PLXNA4: variants seen among roughly 807,000 people sequenced by gnomAD.
PLXNA4 encodes plexin-A4.
In PLXNA4, 44 loss-of-function variants were observed where a neutral mutation model predicts 191.8. The observed-to-expected ratio is 0.23, with a 90% CI of 0.18 to 0.29. PLXNA4 has a LOEUF of 0.29. PLXNA4 is among the 10% of genes least tolerant of loss of function. PLXNA4 has a pLI of 1.00. For missense variants in PLXNA4, 1,800 were observed against 2,488.8 expected, an observed-to-expected ratio of 0.72 and a Z score of 5.89; for synonymous variants, 1,082 against 1,009.5, an observed-to-expected ratio of 1.07 and a Z score of -1.36.
At chr7:132,544,878 C>T (rs1044925926) in intron 1 of PLXNA4, among the ~76,000 whole-genome samples, 14 of 152,140 alleles carry the variant, frequency 9.2e-5, no homozygotes, top group South Asian at 2.1e-4. Context: ...TAAAATGTAA[C>T]TTGGGAAAGG....
chr7:132,364,080 A>C (rs1804057342), intron 3 of PLXNA4, among the ~76,000 whole-genome samples: 1 of 152,210 alleles, frequency 6.6e-6, no homozygotes, highest in African/African-American at 2.4e-5. Flanking sequence ...ATTCTCACTC[A>C]TCAGCAGCAA....
chr7:132,428,882 C>A (rs924193335), intron 3 of PLXNA4, among the ~76,000 whole-genome samples: 1 of 152,162 alleles, frequency 6.6e-6, no homozygotes, highest in Non-Finnish European at 1.5e-5. Flanking sequence ...AAGAAAAAGG[C>A]TGAACTGAGT....
At chr7:132,373,809 T>C (rs188040029) in intron 3 of PLXNA4, among the ~76,000 whole-genome samples, 2 of 152,322 alleles carry the variant, frequency 1.3e-5, no homozygotes, top group Admixed American at 6.5e-5. Flanking sequence ...GAAACTTTCA[T>C]GGGAGATAAG....
At chr7:132,374,177 A>G (rs1349940386) in intron 3 of PLXNA4, among the ~76,000 whole-genome samples, 1 of 152,332 alleles carries the variant, frequency 6.6e-6, no homozygotes, top group East Asian at 1.9e-4. Flanking sequence ...GGACCAAAGG[A>G]GTAAGTGATG....
In PLXNA4 at chr7:132,123,656, A is replaced by AGAT. The variant is rs951404007; in HGVS notation, c.*6820_*6822dup. On this transcript the variant is annotated 3_prime_UTR_variant, in exon 32 of 32. Transcript: ENST00000321063. Reference sequence around the variant, plus strand: ...GGCTCATTTTAACACTGTTGTCTAAAGATATGCTTTGCTTTGTTCTAACAA... The same window carrying AGAT: ...GGCTCATTTTAACACTGTTGTCTAAAGATGATATGCTTTGCTTTGTTCTAACAA... 2 of 152,150 alleles carry AGAT rather than the reference A, an allele frequency of 1.3e-5. No homozygotes were observed. The highest frequency in any genetic ancestry group is 2.1e-4 in the South Asian group (1 of 4,824). 9.4% of individuals were successfully genotyped at this position (152,150 alleles called of 1,614,324 possible). A position where few individuals can be genotyped will look rare whatever the true frequency, so the allele number is the denominator to read the frequency against.
intron 2 of PLXNA4, among the ~76,000 whole-genome samples, chr7:132,597,589 A>G (rs1726284072): frequency 6.6e-6 from 1 of 151,890 alleles, no homozygotes; most frequent in African/African-American, 2.4e-5. Flanking sequence ...TCATTCATTC[A>G]TTCATTCATT....
At chr7:132,429,936 G>A (rs1469057046) in intron 3 of PLXNA4, among the ~76,000 whole-genome samples, 1 of 152,164 alleles carries the variant, frequency 6.6e-6, no homozygotes, top group Non-Finnish European at 1.5e-5. Flanking sequence ...CAGTCCCCAG[G>A]AGCAGAGTGG....
At chr7:132,316,845 A>T (rs1801963348) in intron 3 of PLXNA4, among the ~76,000 whole-genome samples, 1 of 152,200 alleles carries the variant, frequency 6.6e-6, no homozygotes, top group African/African-American at 2.4e-5. Flanking sequence ...CAGTTTCATC[A>T]ATGCAGAGTG....
intron 3 of PLXNA4, among the ~76,000 whole-genome samples, chr7:132,371,118 G>A (rs929061178): frequency 2.6e-5 from 4 of 152,154 alleles, no homozygotes; most frequent in African/African-American, 9.7e-5. Context: ...CACATGCCCC[G>A]TGGTTGGGCT....
chr7:132,314,964 A>C (rs1801888948), intron 3 of PLXNA4, among the ~76,000 whole-genome samples: 1 of 152,172 alleles, frequency 6.6e-6, no homozygotes. Context: ...AGCATTTTGG[A>C]GGGTTTTTAT....
chr7:132,258,856 C>A (rs1274993127), intron 4 of PLXNA4, among the ~76,000 whole-genome samples: 2 of 152,152 alleles, frequency 1.3e-5, no homozygotes. Context: ...TATAACCACT[C>A]AATGCAGATA....
chr7:132,372,382 G>T (rs1804477212), intron 3 of PLXNA4, among the ~76,000 whole-genome samples: 1 of 152,196 alleles, frequency 6.6e-6, no homozygotes, highest in Non-Finnish European at 1.5e-5. Context: ...GGCGTGGCCT[G>T]GGCCCTGTTT....
At chr7:132,147,739 C>T (rs764807239) in intron 27 of PLXNA4, among the ~76,000 whole-genome samples, 161 bp downstream of exon 27, 23 of 152,182 alleles carry the variant, frequency 1.5e-4, no homozygotes, top group Admixed American at 5.9e-4. Flanking sequence ...CGACTGAAAC[C>T]AGGGTCCTCT....
At chr7:132,188,135 G>T (rs1047374207) in intron 14 of PLXNA4, among the ~76,000 whole-genome samples, 1 of 152,090 alleles carries the variant, frequency 6.6e-6, no homozygotes, top group Non-Finnish European at 1.5e-5. Flanking sequence ...ACAAAGAGCT[G>T]CCCAAAGCAC....
At chr7:132,243,798 CCTTGTACTGTCACTTACCT>C (rs1330703238) in intron 4 of PLXNA4, among the ~76,000 whole-genome samples, 1 of 151,990 alleles carries the variant, frequency 6.6e-6, no homozygotes, top group East Asian at 1.9e-4. Context: ...TCCCAATCCT[CCTTGTACTGTCACTTACCT>C]CTCCCCGACA....
At chr7:132,630,192 A>G (rs1008736031) in intron 2 of PLXNA4, among the ~76,000 whole-genome samples, 7 of 152,130 alleles carry the variant, frequency 4.6e-5, no homozygotes, top group Non-Finnish European at 8.8e-5. Flanking sequence ...TCAGATTAGG[A>G]CCATGCCCTT....
chr7:132,379,299 A>G (rs1294615424), intron 3 of PLXNA4, among the ~76,000 whole-genome samples: 2 of 152,190 alleles, frequency 1.3e-5, no homozygotes, highest in African/African-American at 2.4e-5. Context: ...TTAGCATCCA[A>G]AGGGTGATTA....
intron 30 of PLXNA4, among the ~76,000 whole-genome samples, chr7:132,136,493 CT>C (rs1795116495): frequency 6.6e-6 from 1 of 152,254 alleles, no homozygotes; most frequent in Non-Finnish European, 1.5e-5. Context: ...GTTCTTTTTG[CT>C]GAGTTGCTCA....
chr7:132,561,757 CCTCCTTCTCCTCCTT>C (rs1801114694), intron 1 of PLXNA4, among the ~76,000 whole-genome samples: 1 of 140,564 alleles, frequency 7.1e-6, no homozygotes, highest in Non-Finnish European at 1.5e-5. Context: ...TTCTCCTCCT[CCTCCTTCTCCTCCTT>C]CTCCCCCTCG....
Sources: allele counts gnomAD v4.1 joint callset (sites outside exome capture counted in the v4.1 genomes callset), GRCh38; gene constraint gnomAD v4.1.1; transcripts MANE v1.5; gene names NCBI Gene and HGNC (gene_info 2026-07-23, HGNC 2026-07-21).